Variants in HDAC4 observed in about 807,000 individuals in gnomAD.
The protein encoded by HDAC4 is histone deacetylase 4.
HDAC4 carries 16 observed loss-of-function variants against 135.1 expected under a neutral mutation model. The observed-to-expected ratio is 0.12, with a 90% CI of 0.08 to 0.18. HDAC4 has a LOEUF of 0.18. Among genes scored for constraint, HDAC4 ranks in the 10% least tolerant of loss-of-function variants. HDAC4 has a pLI of 1.00. For synonymous variants in HDAC4, 685 were observed against 653.4 expected, an observed-to-expected ratio of 1.05 and a Z score of -0.74; for missense variants, 1,143 against 1,511.8, an observed-to-expected ratio of 0.76 and a Z score of 4.05.
In HDAC4 at chr2:239,299,670, A is replaced by T. The variant is rs538210187; in HGVS notation, c.22+53008T>A. Among the ~76,000 whole-genome samples, 1 of 152,238 alleles carries T rather than the reference A, an allele frequency of 6.6e-6. No homozygotes were observed. Among genetic ancestry groups the T allele is most frequent in the Non-Finnish European group, 1.5e-5 (1 of 68,034 alleles). ...GCCAATTCCTTGAGTGAGAAGCGTC[A>T]TGGGTAGAATCACGGAGCAAGGTCC... On this transcript the variant is annotated intron_variant, in intron 2 of 26. Coordinates refer to ENST00000543185, the MANE Select transcript of HDAC4 (RefSeq NM_001378414.1). The surrounding 1 kb of genome is among the most constrained non-coding windows in gnomAD (Gnocchi z 4.0).
intron 22 of HDAC4, among the ~76,000 whole-genome samples, chr2:239,077,759 A>G (rs1399534257): frequency 1.3e-5 from 2 of 152,218 alleles, no homozygotes. Context: ...AACAGCAGAC[A>G]TCAGGCGCTG....
chr2:239,098,992 G>C (rs2037371185), intron 16 of HDAC4, among the ~76,000 whole-genome samples: 2 of 152,234 alleles, frequency 1.3e-5, no homozygotes, highest in South Asian at 4.1e-4. Context: ...AAACTGACTA[G>C]AATGGTTGCC....
At chr2:239,062,499 C>T (rs759302785) in intron 24 of HDAC4, among the ~76,000 whole-genome samples, 235 of 152,242 alleles carry the variant, frequency 1.5e-3, no homozygotes, top group Non-Finnish European at 2.9e-3. Context: ...TCCTTTTTGA[C>T]GTGTTTAAGT....
chr2:239,354,874 A>ATATC (rs202072571), intron 1 of HDAC4, among the ~76,000 whole-genome samples: 166 of 152,302 alleles, frequency 1.1e-3, no homozygotes, highest in African/African-American at 3.8e-3. Context: ...CAAATCTCAG[A>ATATC]TGACAGTATC....
intron 14 of HDAC4, among the ~76,000 whole-genome samples, chr2:239,110,613 T>C (rs2038583310): frequency 6.6e-6 from 1 of 152,198 alleles, no homozygotes; most frequent in Admixed American, 6.5e-5. Context: ...GACCTGAGAG[T>C]GAGAACCTCG....
intron 2 of HDAC4, among the ~76,000 whole-genome samples, chr2:239,346,441 CACAT>C (rs781031387): frequency 2.6e-5 from 4 of 151,432 alleles, no homozygotes; most frequent in Non-Finnish European, 2.9e-5. Context: ...GTTTAAAACA[CACAT>C]ACATACCTTA....
intron 2 of HDAC4, among the ~76,000 whole-genome samples, chr2:239,340,437 G>A (rs1370224654): frequency 6.6e-6 from 1 of 152,196 alleles, no homozygotes; most frequent in African/African-American, 2.4e-5. Context: ...CCACCCAAAT[G>A]CCTGTTGGTG....
chr2:239,388,501 T>C lies in HDAC4; in HGVS notation c.-220+12477A>G, dbSNP rs952248009. On this transcript the variant is annotated intron_variant, in intron 1 of 26. Transcript: ENST00000543185. ...GAGCCAACATGGCTCAACCCTTCTC[T>C]GGAGCATCCTCAGATGACCAGCAGA... 2.6e-5 allele frequency among the ~76,000 whole-genome samples: 4 copies of C among 152,334 alleles called. No individual in the cohort carries two copies. In the East Asian group the frequency reaches 7.7e-4, roughly 29 times the overall value.
intron 2 of HDAC4, among the ~76,000 whole-genome samples, chr2:239,259,807 G>A (rs1302318035): frequency 1.3e-5 from 2 of 152,268 alleles, no homozygotes; most frequent in Non-Finnish European, 2.9e-5. Flanking sequence ...TCAGCCCAGA[G>A]CCTGTGGTAT....
At chr2:239,120,417 A>G (rs1056290587) in intron 12 of HDAC4, among the ~76,000 whole-genome samples, 2 of 138,998 alleles carry the variant, frequency 1.4e-5, no homozygotes, top group Admixed American at 1.5e-4. Flanking sequence ...ACACACACAG[A>G]CACAGACAGA....
chr2:239,165,653 G>A (rs895440699), intron 5 of HDAC4, among the ~76,000 whole-genome samples: 1 of 152,208 alleles, frequency 6.6e-6, no homozygotes, highest in African/African-American at 2.4e-5. Flanking sequence ...ACACAAAGGC[G>A]GCCAGGTGCG....
intron 6 of HDAC4, among the ~76,000 whole-genome samples, chr2:239,162,551 G>A (rs1433362668): frequency 6.6e-6 from 1 of 152,208 alleles, no homozygotes; most frequent in Non-Finnish European, 1.5e-5. Context: ...GGGCTCCCAG[G>A]TGCCGGTTGC....
At chr2:239,199,765 G>A (rs1191465871) in intron 3 of HDAC4, among the ~76,000 whole-genome samples, 4 of 148,240 alleles carry the variant, frequency 2.7e-5, no homozygotes, top group Admixed American at 6.8e-5. Flanking sequence ...ATGGAGTCTC[G>A]CTCTGTCACC....
intron 2 of HDAC4, among the ~76,000 whole-genome samples, chr2:239,276,417 C>T (rs2050368869): frequency 6.6e-6 from 1 of 152,230 alleles, no homozygotes; most frequent in African/African-American, 2.4e-5. Context: ...GTGGGACAGG[C>T]ACCCGGGTTC....
At chr2:239,055,888 A>T (rs1332602242) in intron 24 of HDAC4, among the ~76,000 whole-genome samples, 2 of 152,236 alleles carry the variant, frequency 1.3e-5, no homozygotes, top group African/African-American at 4.8e-5. Flanking sequence ...GGTGTCCTGG[A>T]GCCAGCCTTG....
At chr2:239,116,340 C>T (rs1468507395) in intron 12 of HDAC4, among the ~76,000 whole-genome samples, 1 of 152,230 alleles carries the variant, frequency 6.6e-6, no homozygotes, top group African/African-American at 2.4e-5. Context: ...CAGCTTCTTC[C>T]AAGCCTCTCC....
At chr2:239,184,973 C>T (rs1638749198) in intron 4 of HDAC4, among the ~76,000 whole-genome samples, 1 of 146,184 alleles carries the variant, frequency 6.8e-6, no homozygotes, top group Non-Finnish European at 1.5e-5. Context: ...TGGGGGGGGT[C>T]CCTTGGTGTC....
intron 2 of HDAC4, among the ~76,000 whole-genome samples, chr2:239,326,711 T>C (rs1343836071): frequency 6.6e-6 from 1 of 151,902 alleles, no homozygotes; most frequent in African/African-American, 2.4e-5. Flanking sequence ...AAGCAAGGAG[T>C]TGGAAGAAAA....
At chr2:239,074,872 C>G (rs1356413184) in intron 22 of HDAC4, among the ~76,000 whole-genome samples, 1 of 152,082 alleles carries the variant, frequency 6.6e-6, no homozygotes, top group East Asian at 1.9e-4. Context: ...TTAATAGATG[C>G]TGCAAAAAAT....
Sources: allele counts gnomAD v4.1 joint callset (sites outside exome capture counted in the v4.1 genomes callset), GRCh38; gene constraint gnomAD v4.1.1; non-coding constraint Gnocchi (gnomAD v3.1); transcripts MANE v1.5; gene names NCBI Gene and HGNC (gene_info 2026-07-23, HGNC 2026-07-21).